Variants in GRAMD2A observed in about 807,000 individuals in gnomAD.
The protein encoded by GRAMD2A is GRAM domain-containing protein 2A.
A neutral mutation model predicts 51.1 loss-of-function variants in GRAMD2A; 37 were observed. The observed-to-expected ratio is 0.72, with a 90% CI of 0.56 to 0.95. The LOEUF (loss-of-function observed/expected upper bound fraction) is 0.95. Among genes scored for constraint, GRAMD2A ranks in the 40% least tolerant of loss-of-function variants. The pLI is 0.00. For missense variants in GRAMD2A, 414 were observed against 426.9 expected (o/e 0.97, Z 0.27); for synonymous variants, 136 against 157.1 (o/e 0.87, Z 1.01).
intron 1 of GRAMD2A, among the ~76,000 whole-genome samples, chr15:72,182,450 C>G (rs1276573977): frequency 6.7e-6 from 1 of 149,714 alleles, no homozygotes; most frequent in African/African-American, 2.5e-5. Context: ...TATGACCTAT[C>G]AGGCAATGAT....
rs767241809 is a variant in GRAMD2A at position 72,167,769 on chromosome 15, G to A, written c.339C>T (p.Cys113=). Residue 113 remains cysteine, a synonymous_variant, in exon 5 of 12, where the codon TGC becomes TGT. Transcript: ENST00000309731. ...CCTTGCCAAAGAGGCTGGCATGGAA[G>A]CAGAGCCAGTTGGGGGAGATGTAGA... ...GRLYISPNWL[C]FHASLFGKDI... 10 of 1,613,928 alleles carry A rather than the reference G, an allele frequency of 6.2e-6. No individual in the cohort carries two copies. In the African/African-American group the frequency reaches 1.3e-4, roughly 22 times the overall value.
intron 1 of GRAMD2A, among the ~76,000 whole-genome samples, chr15:72,180,982 A>G (rs1008848984): frequency 2.0e-5 from 3 of 152,224 alleles, no homozygotes; most frequent in African/African-American, 7.2e-5. Context: ...AGGGCAAGGA[A>G]GACTTTTCTG....
intron 1 of GRAMD2A, among the ~76,000 whole-genome samples, chr15:72,196,515 GA>G (rs796269821): frequency 5.2e-4 from 72 of 137,912 alleles, no homozygotes; most frequent in Non-Finnish European, 4.8e-4. Context: ...AACTGTCTCA[GA>G]AAAAAAAAAA....
rs559390669 is a variant in GRAMD2A at position 72,166,833 on chromosome 15, C to T, written c.472-130G>A. On this transcript the variant is annotated intron_variant, in intron 6 of 11. Coordinates refer to ENST00000309731, the MANE Select transcript of GRAMD2A (RefSeq NM_001012642.3). The surrounding 1 kb of genome is among the most constrained non-coding windows in gnomAD (Gnocchi z 4.1). ...CCATGAGAGCCAACAGAAGCTCTGCCTAGGAACTTCTCTTCCAGCTTGTTG... is the reference window on the plus strand; with the variant it reads ...CCATGAGAGCCAACAGAAGCTCTGCTTAGGAACTTCTCTTCCAGCTTGTTG... The T allele has an allele frequency of 1.7e-5, 16 of 945,736 alleles. No individual in the cohort carries two copies. The East Asian group carries it at 2.8e-4, about 16-fold the overall frequency. The allele number at this position is 945,736 out of a possible 1,614,324, so 58.6% of individuals were successfully genotyped here. A position where few individuals can be genotyped will look rare whatever the true frequency, so the allele number is the denominator to read the frequency against.
intron 1 of GRAMD2A, among the ~76,000 whole-genome samples, chr15:72,190,315 C>T (rs2081759559): frequency 6.6e-6 from 1 of 152,066 alleles, no homozygotes; most frequent in South Asian, 2.1e-4. Context: ...GGAGGCGGAG[C>T]TTGCAGTGAG....
At chr15:72,191,809 C>G (rs2081769883) in intron 1 of GRAMD2A, among the ~76,000 whole-genome samples, 1 of 151,552 alleles carries the variant, frequency 6.6e-6, no homozygotes. Flanking sequence ...CTGTTTTTTT[C>G]AACAAATAAT....
At chr15:72,163,976 C>T (rs561631253) in intron 8 of GRAMD2A, 15 of 505,438 alleles carry the variant, frequency 3.0e-5, no homozygotes, top group East Asian at 7.3e-5. Flanking sequence ...TGCCAGCAAA[C>T]GATGTCTTTG....
At chr15:72,190,190 C>T (rs1397564277) in intron 1 of GRAMD2A, among the ~76,000 whole-genome samples, 2 of 152,090 alleles carry the variant, frequency 1.3e-5, no homozygotes, top group African/African-American at 2.4e-5. Context: ...TCCTGGCTAA[C>T]ATGGTGAAAC....
chr15:72,179,101 T>G (rs1320151732), intron 1 of GRAMD2A, among the ~76,000 whole-genome samples: 1 of 152,178 alleles, frequency 6.6e-6, no homozygotes, highest in African/African-American at 2.4e-5. Flanking sequence ...TCACAATCCC[T>G]TCTTCCAGGA....
chr15:72,193,720 G>A (rs990182036), intron 1 of GRAMD2A, among the ~76,000 whole-genome samples: 1 of 150,492 alleles, frequency 6.6e-6, no homozygotes, highest in Non-Finnish European at 1.5e-5. Context: ...TAGAGATGGG[G>A]TTTCGCCCTG....
rs145343194 is a variant in GRAMD2A at position 72,196,377 on chromosome 15, G to A, written c.41+1354C>T. Among the ~76,000 whole-genome samples, 7 of 151,954 alleles carry A rather than the reference G, an allele frequency of 4.6e-5. No individual in the cohort carries two copies. The East Asian group carries it at 9.7e-4, about 21-fold the overall frequency. The stretch of plus-strand genomic sequence containing the variant: ...CTAAAAATACAAAAATTAGCTGGGC[G>A]TGGTGGTGGGCACCTGTAATCCCAG... On this transcript the variant is annotated intron_variant, in intron 1 of 11. Transcript: ENST00000309731.
intron 1 of GRAMD2A, among the ~76,000 whole-genome samples, chr15:72,171,885 A>T (rs1280386538): frequency 6.7e-6 from 1 of 149,370 alleles, no homozygotes; most frequent in African/African-American, 2.5e-5. Flanking sequence ...GCTGGAGTCC[A>T]GTGGCGTGAT....
chr15:72,163,847 C>T, intron 8 of GRAMD2A, 90 bp from the exon 9 acceptor site: 1 of 1,348,288 alleles, frequency 7.4e-7, no homozygotes, highest in Non-Finnish European at 1.0e-6. Context: ...AGAGTTTTCT[C>T]CAGATATTAC....
At position 72,163,318 on chromosome 15, in the gene GRAMD2A, T is replaced by C; in HGVS notation, c.904A>G (p.Thr302Ala). Residue 302 changes from threonine (T) to alanine (A), a missense_variant, in exon 10 of 12, where the codon ACT (threonine) becomes GCT (alanine). Thr to Ala is a moderately conservative substitution (Grantham distance 58, BLOSUM62 0). Transcript: ENST00000309731. ...EDELEEEPRSTGELRLWDYRL... is the reference protein window; with the variant it reads ...EDELEEEPRSAGELRLWDYRL... ...TAATCCCAGAGCCTCAGCTCCCCAG[T>C]GCTCCTGGGCTCCTCCTCCAGCTCA... 3 of 1,612,984 alleles carry C rather than the reference T, an allele frequency of 1.9e-6. No homozygotes were observed. Among genetic ancestry groups the C allele is most frequent in the Non-Finnish European group, 2.5e-6 (3 of 1,178,958 alleles).
Position 72,161,845 on chromosome 15 carries a change from T to G in GRAMD2A, c.*164A>C. 1.4e-6 allele frequency: 1 copy of G among 732,560 alleles called. No homozygotes were observed. The highest frequency in any genetic ancestry group is 2.4e-6 in the Non-Finnish European group (1 of 414,166). 45.4% of individuals were successfully genotyped at this position (732,560 alleles called of 1,614,324 possible). A position where few individuals can be genotyped will look rare whatever the true frequency, so the allele number is the denominator to read the frequency against. On this transcript the variant is annotated 3_prime_UTR_variant, in exon 12 of 12. Transcript: ENST00000309731. ...GTAAACACGTACTTCAGATCTCTCA[T>G]AGAGGGAAGAGAAGAGCTGCGGGGA...
intron 1 of GRAMD2A, among the ~76,000 whole-genome samples, chr15:72,191,526 G>C (rs2081767979): frequency 6.6e-6 from 1 of 152,144 alleles, no homozygotes; most frequent in African/African-American, 2.4e-5. Context: ...TTTATAGAAA[G>C]AGTCTCCTAA....
chr15:72,180,495 G>A (rs1390473562), intron 1 of GRAMD2A, among the ~76,000 whole-genome samples: 2 of 152,240 alleles, frequency 1.3e-5, no homozygotes, highest in Non-Finnish European at 1.5e-5. Context: ...AGGCTGAGCC[G>A]CTCAGACGCC....
rs1403157953 is a variant in GRAMD2A, at chr15:72,160,404, GCAAGCAACA to G, written c.*1596_*1604del. On this transcript the variant is annotated 3_prime_UTR_variant, in exon 12 of 12. Coordinates refer to ENST00000309731, the MANE Select transcript of GRAMD2A (RefSeq NM_001012642.3). Reference sequence around the variant, plus strand: ...TTCACCTGAGACATACAGATTTGGTGCAAGCAACACAAAAGGCCAGGCTCTAAATTTCAT... The same window carrying G: ...TTCACCTGAGACATACAGATTTGGTGCAAAAGGCCAGGCTCTAAATTTCAT... 1 of 151,232 alleles carries G rather than the reference GCAAGCAACA, an allele frequency of 6.6e-6. No homozygotes were observed. Among genetic ancestry groups the G allele is most frequent in the African/African-American group, 2.4e-5 (1 of 41,120 alleles). The allele number at this position is 151,232 out of a possible 1,614,324, so 9.4% of individuals were successfully genotyped here. A position where few individuals can be genotyped will look rare whatever the true frequency, so the allele number is the denominator to read the frequency against.
chr15:72,183,552 G>A (rs1193925821), intron 1 of GRAMD2A, among the ~76,000 whole-genome samples: 1 of 149,192 alleles, frequency 6.7e-6, no homozygotes, highest in East Asian at 2.0e-4. Flanking sequence ...CAACAAACCC[G>A]GGCATGGTGG....
Sources: allele counts gnomAD v4.1 joint callset (sites outside exome capture counted in the v4.1 genomes callset), GRCh38; gene constraint gnomAD v4.1.1; non-coding constraint Gnocchi (gnomAD v3.1); transcripts MANE v1.5; gene names NCBI Gene and HGNC (gene_info 2026-07-23, HGNC 2026-07-21).